The following DGKB variants were observed in gnomAD, a reference collection of about 807,000 sequenced individuals.
DGKB encodes the protein 90 kDa diacylglycerol kinase.
Under a neutral mutation model 114.3 loss-of-function variants are expected in DGKB, and 67 were observed. That is an observed-to-expected ratio of 0.59 (90% CI 0.48 to 0.72). DGKB has a LOEUF of 0.72. DGKB is among the 30% of genes least tolerant of loss of function. DGKB has a pLI of 0.00. For synonymous variants in DGKB, 398 were observed against 323.1 expected (o/e 1.23, Z -2.49); for missense variants, 907 against 975.2 (o/e 0.93, Z 0.93).
chr7:14,506,229 A>G (rs1787031566), intron 20 of DGKB, among the ~76,000 whole-genome samples: 1 of 152,176 alleles, frequency 6.6e-6, no homozygotes, highest in African/African-American at 2.4e-5. Context: ...CCACAAATCA[A>G]TAGATGTAAA....
At chr7:14,867,971 G>C (rs1851918815) in intron 1 of DGKB, among the ~76,000 whole-genome samples, 1 of 152,112 alleles carries the variant, frequency 6.6e-6, no homozygotes, top group South Asian at 2.1e-4. Flanking sequence ...ATTTACAGCT[G>C]ATTTCAAATT....
At chr7:14,685,534 GA>G (rs1306312723) in intron 9 of DGKB, among the ~76,000 whole-genome samples, 172 bp from the exon 10 acceptor site, 1 of 152,162 alleles carries the variant, frequency 6.6e-6, no homozygotes, top group Non-Finnish European at 1.5e-5. Context: ...GTGCTCCAGT[GA>G]AATGAGATAG....
At chr7:14,670,639 T>C (rs28587070) in intron 13 of DGKB, among the ~76,000 whole-genome samples, 1 of 152,118 alleles carries the variant, frequency 6.6e-6, no homozygotes, top group Non-Finnish European at 1.5e-5. Context: ...CATCATACTG[T>C]ACATTGGATT....
chr7:14,257,073 G>A (rs1413996553), intron 23 of DGKB, among the ~76,000 whole-genome samples: 1 of 151,986 alleles, frequency 6.6e-6, no homozygotes, highest in Non-Finnish European at 1.5e-5. Flanking sequence ...TGAGGTGGGA[G>A]GATTAATTGA....
At chr7:14,787,035 T>G (rs2128498669) in intron 2 of DGKB, among the ~76,000 whole-genome samples, 1 of 152,290 alleles carries the variant, frequency 6.6e-6, no homozygotes, top group South Asian at 2.1e-4. Flanking sequence ...GAGCAGATTT[T>G]GGGACAACCT....
At chr7:14,729,174 G>C (rs889421287) in intron 5 of DGKB, among the ~76,000 whole-genome samples, 11 of 139,976 alleles carry the variant, frequency 7.9e-5, no homozygotes, top group East Asian at 2.1e-4. Context: ...CCAGGCTGGA[G>C]TGCAGTGGCG....
chr7:14,677,924 A>T (rs1009034140), intron 12 of DGKB, among the ~76,000 whole-genome samples: 1 of 152,048 alleles, frequency 6.6e-6, no homozygotes, highest in Non-Finnish European at 1.5e-5. Flanking sequence ...TCATTCTAAG[A>T]GCCTAACTTT....
intron 23 of DGKB, among the ~76,000 whole-genome samples, chr7:14,269,788 C>T (rs1028163523): frequency 6.6e-6 from 1 of 152,078 alleles, no homozygotes; most frequent in African/African-American, 2.4e-5. Flanking sequence ...TTTATTTTCA[C>T]TCCTGAGGAA....
chr7:14,871,492 C>T (rs1852449191), intron 1 of DGKB, among the ~76,000 whole-genome samples: 1 of 152,076 alleles, frequency 6.6e-6, no homozygotes, highest in African/African-American at 2.4e-5. Flanking sequence ...AATTTACTAT[C>T]CACAGAGTCA....
At chr7:14,767,509 T>C (rs1836645732) in intron 2 of DGKB, among the ~76,000 whole-genome samples, 1 of 151,948 alleles carries the variant, frequency 6.6e-6, no homozygotes, top group Non-Finnish European at 1.5e-5. Context: ...GCCATCAGGC[T>C]TAAGCTAAGC....
intron 21 of DGKB, among the ~76,000 whole-genome samples, chr7:14,358,371 T>C (rs143851389): frequency 0.013 from 2,005 of 152,270 alleles, 47 homozygotes; most frequent in African/African-American, 0.046. Flanking sequence ...TTCTTCCACT[T>C]GATCGAATCG....
At chr7:14,197,832 C>T (rs1483756339) in intron 23 of DGKB, among the ~76,000 whole-genome samples, 1 of 152,082 alleles carries the variant, frequency 6.6e-6, no homozygotes, top group Non-Finnish European at 1.5e-5. Flanking sequence ...GTTTGACAAG[C>T]TCACAGGCAT....
At chr7:14,582,310 A>G (rs1037150826) in intron 18 of DGKB, among the ~76,000 whole-genome samples, 1 of 152,170 alleles carries the variant, frequency 6.6e-6, no homozygotes, top group African/African-American at 2.4e-5. Flanking sequence ...TGAAAAAGCA[A>G]ATAATTTTCC....
chr7:14,151,065 AAATG>A (rs1400350682), intron 25 of DGKB, among the ~76,000 whole-genome samples: 2 of 152,232 alleles, frequency 1.3e-5, no homozygotes, highest in South Asian at 2.1e-4. Flanking sequence ...TTGAAAATGA[AAATG>A]AATCATTTTA....
At chr7:14,164,049 A>G (rs1214298216) in intron 25 of DGKB, among the ~76,000 whole-genome samples, 2 of 152,012 alleles carry the variant, frequency 1.3e-5, no homozygotes, top group African/African-American at 4.8e-5. Context: ...CACCACCACA[A>G]CAACAACAAA....
intron 20 of DGKB, among the ~76,000 whole-genome samples, chr7:14,560,735 C>A (rs1583184): frequency 0.33 from 50,613 of 152,000 alleles, 9,796 homozygotes; most frequent in South Asian, 0.47. Context: ...AGTGGAATTG[C>A]TGAATTATAC....
At chr7:14,969,839 G>A (rs1355289041) in intron 1 of DGKB, among the ~76,000 whole-genome samples, 1 of 152,130 alleles carries the variant, frequency 6.6e-6, no homozygotes, top group East Asian at 1.9e-4. Context: ...GAATGCTGTA[G>A]GCAATTATAA....
At chr7:14,368,573 C>CTCTGTGTG (rs10649333) in intron 21 of DGKB, among the ~76,000 whole-genome samples, 16 of 148,620 alleles carry the variant, frequency 1.1e-4, no homozygotes, top group Admixed American at 2.0e-4. Flanking sequence ...GGTATTTTCT[C>CTCTGTGTG]TGTGTGTGTG....
intron 23 of DGKB, among the ~76,000 whole-genome samples, chr7:14,265,236 G>T (rs1307007675): frequency 6.6e-6 from 1 of 150,500 alleles, no homozygotes; most frequent in East Asian, 2.0e-4. Context: ...AGGGCTTCAG[G>T]GTTTGGCTCG....
Sources: allele counts gnomAD v4.1 joint callset (sites outside exome capture counted in the v4.1 genomes callset), GRCh38; gene constraint gnomAD v4.1.1; transcripts MANE v1.5; gene names NCBI Gene and HGNC (gene_info 2026-07-23, HGNC 2026-07-21).